CASK: variants seen among roughly 807,000 people sequenced by gnomAD.
The protein encoded by CASK is peripheral plasma membrane protein CASK.
Under a neutral mutation model 82.9 loss-of-function variants are expected in CASK, and 4 were observed. The ratio of observed to expected loss-of-function variants is 0.05; its 90% CI spans 0.02 to 0.11. The LOEUF (loss-of-function observed/expected upper bound fraction) is 0.11, where lower values mean the gene tolerates loss of function less well. Among genes scored for constraint, CASK ranks in the 10% least tolerant of loss-of-function variants. The probability of loss-of-function intolerance (pLI) is 1.00; values close to 1 mark genes in which losing one functional copy is unlikely to be tolerated. For synonymous variants in CASK, 259 were observed against 253.5 expected, an observed-to-expected ratio of 1.02 and a Z score of -0.20; for missense variants, 358 against 720.9, an observed-to-expected ratio of 0.50 and a Z score of 5.76.
intron 2 of CASK, among the ~76,000 whole-genome samples, chrX:41,841,055 A>G (rs986299103): frequency 8.9e-6 from 1 of 112,025 alleles, no homozygotes; most frequent in Admixed American, 9.5e-5. Flanking sequence ...TTTTGGGTAT[A>G]TACCTAGGAT....
intron 14 of CASK, 89 bp downstream of exon 14, chrX:41,586,818 G>A: frequency 1.7e-6 from 1 of 576,772 alleles, no homozygotes; most frequent in East Asian, 3.5e-5. Flanking sequence ...AAATGCATGA[G>A]ATGAAGCTGG....
chrX:41,666,681 T>TC (rs1366425108), intron 6 of CASK, among the ~76,000 whole-genome samples: 1 of 111,084 alleles, frequency 9.0e-6, no homozygotes, highest in African/African-American at 3.3e-5. Context: ...TTTCCCTTCC[T>TC]CCCCCCATAA....
rs1237782725 is a variant in CASK at position 41,517,950 on chromosome X, G to T, written c.*2470C>A. The T allele has an allele frequency of 1.2e-5, 5 of 423,578 alleles. No individual in the cohort carries two copies. In the Admixed American group the frequency reaches 1.6e-4, roughly 14 times the overall value. The allele number at this position is 423,578 out of a possible 1,213,427, so 34.9% of individuals were successfully genotyped here. A position where few individuals can be genotyped will look rare whatever the true frequency, so the allele number is the denominator to read the frequency against. On this transcript the variant is annotated 3_prime_UTR_variant, in exon 27 of 27. Coordinates refer to ENST00000378163, the MANE Select transcript of CASK (RefSeq NM_001367721.1). ...CATCTTTGAGAAGTCAATGAGTTCTGCATGCAGGGATTTCACCATCGGAAT... is the reference window on the plus strand; with the variant it reads ...CATCTTTGAGAAGTCAATGAGTTCTTCATGCAGGGATTTCACCATCGGAAT...
intron 11 of CASK, among the ~76,000 whole-genome samples, chrX:41,620,573 T>G (rs2066273577): frequency 8.9e-6 from 1 of 112,370 alleles, no homozygotes; most frequent in African/African-American, 3.2e-5. Context: ...TATACTGTTT[T>G]AAGTTAAAAG....
At chrX:41,774,571 T>C (rs776194711) in intron 3 of CASK, among the ~76,000 whole-genome samples, 1 of 111,100 alleles carries the variant, frequency 9.0e-6, no homozygotes, top group Non-Finnish European at 1.9e-5. Context: ...GAGCCCGCAT[T>C]GCCAAGTCAA....
chrX:41,528,452 T>C (rs998827417), intron 25 of CASK, among the ~76,000 whole-genome samples: 2 of 112,180 alleles, frequency 1.8e-5, no homozygotes, highest in African/African-American at 6.5e-5. Flanking sequence ...AGACCTGTAC[T>C]AAAAGAGCTG....
intron 21 of CASK, among the ~76,000 whole-genome samples, chrX:41,549,532 A>G (rs1328406679): frequency 8.9e-6 from 1 of 112,341 alleles, no homozygotes; most frequent in Non-Finnish European, 1.9e-5. Flanking sequence ...TGAAACTATC[A>G]CTACAATCAA....
At chrX:41,840,057 T>C (rs2071003852) in intron 2 of CASK, among the ~76,000 whole-genome samples, 1 of 111,970 alleles carries the variant, frequency 8.9e-6, no homozygotes, top group African/African-American at 3.2e-5. Flanking sequence ...TAATATGGTG[T>C]CTATTCTGAA....
At chrX:41,906,008 C>T (rs770634090) in intron 1 of CASK, among the ~76,000 whole-genome samples, 11 of 112,183 alleles carry the variant, frequency 9.8e-5, no homozygotes, top group Non-Finnish European at 1.7e-4. Context: ...CTACTATGTT[C>T]GGCATATACT....
At chrX:41,548,741 A>G (rs748094709) in intron 21 of CASK, among the ~76,000 whole-genome samples, 1 of 112,005 alleles carries the variant, frequency 8.9e-6, no homozygotes, top group African/African-American at 3.2e-5. Context: ...GAATTTTTTG[A>G]CAGGTTAAGA....
rs926380611 is a variant in CASK at position 41,838,428 on chromosome X, G to A, written c.172+14687C>T. 3.6e-5 allele frequency among the ~76,000 whole-genome samples: 4 copies of A among 111,543 alleles called. No individual in the cohort carries two copies. The Admixed American group carries it at 3.8e-4, about 11-fold the overall frequency. On this transcript the variant is annotated intron_variant, in intron 2 of 26. Coordinates refer to ENST00000378163, the MANE Select transcript of CASK (RefSeq NM_001367721.1). ...CTAAGAATTCTTCATCTCCCTCCAT[G>A]TCCTAATGATATTAGGGTACATTTT...
At chrX:41,775,171 C>T (rs1489631137) in intron 3 of CASK, among the ~76,000 whole-genome samples, 2 of 108,037 alleles carry the variant, frequency 1.9e-5, no homozygotes, top group African/African-American at 6.7e-5. Context: ...CTACAATGAA[C>T]TCAAACAAAT....
At chrX:41,885,626 T>A (rs1303734062) in intron 1 of CASK, among the ~76,000 whole-genome samples, 1 of 112,254 alleles carries the variant, frequency 8.9e-6, no homozygotes, top group East Asian at 2.8e-4. Context: ...ACAATTAGCA[T>A]AAATAATTTG....
At chrX:41,898,307 T>C (rs936484618) in intron 1 of CASK, among the ~76,000 whole-genome samples, 1 of 111,927 alleles carries the variant, frequency 8.9e-6, no homozygotes, top group Non-Finnish European at 1.9e-5. Context: ...TAAGTTGCAA[T>C]GTCTCTTTTA....
intron 1 of CASK, among the ~76,000 whole-genome samples, chrX:41,921,648 A>G (rs1296588810): frequency 9.0e-6 from 1 of 111,159 alleles, no homozygotes; most frequent in African/African-American, 3.3e-5. Context: ...ATGTCCTCAC[A>G]TCAATTGGGT....
At chrX:41,549,791 G>A (rs1265319183) in intron 21 of CASK, among the ~76,000 whole-genome samples, 1 of 110,264 alleles carries the variant, frequency 9.1e-6, no homozygotes, top group African/African-American at 3.3e-5. Flanking sequence ...AAGGAGCCAA[G>A]ATTGCACCAC....
chrX:41,581,923 T>C (rs952544070), intron 14 of CASK, among the ~76,000 whole-genome samples: 1 of 111,642 alleles, frequency 9.0e-6, no homozygotes, highest in African/African-American at 3.3e-5. Flanking sequence ...TTGAACCTCA[T>C]TGAGGCCACT....
intron 2 of CASK, among the ~76,000 whole-genome samples, chrX:41,844,378 A>G (rs754021345): frequency 8.9e-6 from 1 of 111,750 alleles, no homozygotes; most frequent in African/African-American, 3.2e-5. Context: ...AGTACATATC[A>G]GTCTATTTCT....
At chrX:41,922,819 G>A (rs938036776) in intron 1 of CASK, 111 bp downstream of exon 1, 21 of 636,093 alleles carry the variant, frequency 3.3e-5, no homozygotes, top group African/African-American at 6.6e-5. Flanking sequence ...GACGAGAGGG[G>A]AAGAGGGGAA....
Sources: allele counts gnomAD v4.1 joint callset (sites outside exome capture counted in the v4.1 genomes callset), GRCh38; gene constraint gnomAD v4.1.1; transcripts MANE v1.5; gene names NCBI Gene and HGNC (gene_info 2026-07-23, HGNC 2026-07-21).